TCAF1: variants seen among roughly 807,000 people sequenced by gnomAD.
The protein encoded by TCAF1 is TRPM8 channel associated factor 1.
Under a neutral mutation model 27.3 loss-of-function variants are expected in TCAF1, and 4 were observed. The observed-to-expected ratio is 0.15, with a 90% CI of 0.07 to 0.34. The LOEUF is 0.34. TCAF1 is among the 10% of genes least tolerant of loss of function. TCAF1 has a pLI of 1.00. For synonymous variants in TCAF1, 105 were observed against 167.1 expected (o/e 0.63, Z 2.87); for missense variants, 257 against 425.8 (o/e 0.60, Z 3.49).
intron 1 of TCAF1, among the ~76,000 whole-genome samples, chr7:143,888,217 A>G (rs1189615673): frequency 2.6e-5 from 4 of 152,216 alleles, no homozygotes. Context: ...TCATCAATGA[A>G]ATGATAGGAA....
chr7:143,895,246 T>C (rs370682573), intron 1 of TCAF1, among the ~76,000 whole-genome samples: 1 of 151,890 alleles, frequency 6.6e-6, no homozygotes, highest in African/African-American at 2.4e-5. Context: ...TGAGATTTAT[T>C]TGTAATAGTC....
At chr7:143,885,723 CAT>C (rs1029448436) in intron 1 of TCAF1, among the ~76,000 whole-genome samples, 10 of 151,762 alleles carry the variant, frequency 6.6e-5, no homozygotes, top group Admixed American at 6.6e-5. Flanking sequence ...AAACATCTAA[CAT>C]AGTAAAAAAC....
chr7:143,883,807 C>G (rs1425524473), intron 1 of TCAF1, among the ~76,000 whole-genome samples: 1 of 152,166 alleles, frequency 6.6e-6, no homozygotes, highest in Non-Finnish European at 1.5e-5. Flanking sequence ...CGTGCCCGCT[C>G]CCCATTTCTT....
chr7:143,900,756 G>A (rs1486159948), intron 1 of TCAF1, among the ~76,000 whole-genome samples: 1 of 152,124 alleles, frequency 6.6e-6, no homozygotes, highest in Non-Finnish European at 1.5e-5. Flanking sequence ...ACCTCCAAAA[G>A]TAGAAACAAT....
At chr7:143,889,918 T>C (rs1813567055) in intron 1 of TCAF1, among the ~76,000 whole-genome samples, 1 of 152,218 alleles carries the variant, frequency 6.6e-6, no homozygotes, top group African/African-American at 2.4e-5. Context: ...TCATTAGGCA[T>C]CCACCTTAGA....
intron 1 of TCAF1, among the ~76,000 whole-genome samples, chr7:143,891,820 TCA>T (rs1813647330): frequency 6.6e-6 from 1 of 152,124 alleles, no homozygotes; most frequent in Admixed American, 6.5e-5. Flanking sequence ...TTGAGACACA[TCA>T]CATTCAAACT....
At chr7:143,864,983 CATT>C (rs1812103885) in intron 2 of TCAF1, among the ~76,000 whole-genome samples, 3 of 149,196 alleles carry the variant, frequency 2.0e-5, no homozygotes, top group Non-Finnish European at 4.5e-5. Context: ...AGATTTGTAA[CATT>C]TATTTATTTT....
intron 2 of TCAF1, 79 bp downstream of exon 2, chr7:143,875,910 C>T: frequency 7.4e-7 from 1 of 1,355,856 alleles, no homozygotes; most frequent in East Asian, 2.3e-5. Context: ...CTTCTGTTAG[C>T]CTTGGAGCAA....
At chr7:143,885,208 A>G (rs1813334013) in intron 1 of TCAF1, 10 of 985,312 alleles carry the variant, frequency 1.0e-5, no homozygotes, top group Non-Finnish European at 1.2e-5. Flanking sequence ...GACGAGACTC[A>G]CCCTTTCGTC....
Position 143,888,643 on chromosome 7 carries a change from T to G in TCAF1, c.-14-12021A>C, listed in dbSNP as rs566284290. The stretch of plus-strand genomic sequence containing the variant: ...GAATTCAAAAACCCTAAGCAAATAA[T>G]TTGAGGTGGTCCCAATTTGCTAATG... On this transcript the variant is annotated intron_variant, in intron 1 of 8. Transcript: ENST00000479870. 7.4e-4 allele frequency among the ~76,000 whole-genome samples: 113 copies of G among 152,314 alleles called. 1 individual carries two copies. The highest frequency in any genetic ancestry group is 1.4e-3 in the South Asian group (7 of 4,830).
At chr7:143,880,576 G>A (rs958515755) in intron 1 of TCAF1, among the ~76,000 whole-genome samples, 1 of 152,070 alleles carries the variant, frequency 6.6e-6, no homozygotes, top group Non-Finnish European at 1.5e-5. Flanking sequence ...AAACAACACC[G>A]AGTTAATACA....
At position 143,859,972 on chromosome 7, in the gene TCAF1, TA is replaced by T. The variant is rs1417575238; in HGVS notation, c.2167+235del. ...TATATATTACGGAATATATATTATA[TA>T]ATATATATTATATAATATATATTAT... On this transcript the variant is annotated intron_variant, in intron 6 of 8. Coordinates refer to ENST00000479870, the MANE Select transcript of TCAF1 (RefSeq NM_014719.3). Among the ~76,000 whole-genome samples, 62 of 41,656 alleles carry T rather than the reference TA, an allele frequency of 1.5e-3. 14 individuals carry two copies. The highest frequency in any genetic ancestry group is 4.5e-3 in the African/African-American group (62 of 13,824). 27.3% of individuals were successfully genotyped at this position (41,656 alleles called of 152,430 possible).
intron 1 of TCAF1, among the ~76,000 whole-genome samples, chr7:143,883,283 T>C (rs1156469229): frequency 1.3e-5 from 2 of 152,134 alleles, no homozygotes; most frequent in African/African-American, 4.8e-5. Flanking sequence ...CCGTATATAT[T>C]TGTATTATGG....
chr7:143,881,509 C>A (rs1813022190), intron 1 of TCAF1, among the ~76,000 whole-genome samples: 2 of 152,086 alleles, frequency 1.3e-5, no homozygotes, highest in Non-Finnish European at 2.9e-5. Context: ...TAGACATTCC[C>A]AGCTCAGTCT....
chr7:143,883,358 G>C (rs1440970828), intron 1 of TCAF1, among the ~76,000 whole-genome samples: 3 of 151,926 alleles, frequency 2.0e-5, no homozygotes, highest in Non-Finnish European at 4.4e-5. Flanking sequence ...TAGGAGAGGT[G>C]CAACTTTTTA....
chr7:143,899,805 TAAAC>T (rs1040080644), intron 1 of TCAF1, among the ~76,000 whole-genome samples: 4 of 152,030 alleles, frequency 2.6e-5, no homozygotes, highest in South Asian at 2.1e-4. Context: ...ATAAAAAAGG[TAAAC>T]AAACAATCCA....
chr7:143,885,022 C>A (rs1186333525), intron 1 of TCAF1: 1 of 985,250 alleles, frequency 1.0e-6, no homozygotes, highest in Non-Finnish European at 1.2e-6. Context: ...AAGGGGGTCC[C>A]AGGCCAAAAA....
At chr7:143,900,325 G>C (rs943683765) in intron 1 of TCAF1, among the ~76,000 whole-genome samples, 2 of 152,004 alleles carry the variant, frequency 1.3e-5, no homozygotes, top group African/African-American at 4.8e-5. Flanking sequence ...TCGCTTCTGA[G>C]GTTACAGAAA....
intron 1 of TCAF1, chr7:143,885,382 C>T (rs13224887): frequency 0.24 from 236,512 of 985,038 alleles, 29,279 homozygotes; most frequent in Non-Finnish European, 0.25. Context: ...GGGGTTGGGG[C>T]GTCCCCGGGA....
Sources: gnomAD v4.1 joint callset for allele counts (sites outside exome capture counted in the v4.1 genomes callset) on GRCh38, gnomAD v4.1.1 for gene constraint, MANE v1.5 for transcripts, NCBI Gene and HGNC (gene_info 2026-07-23, HGNC 2026-07-21) for gene names.